L3MBTL4: variants seen among roughly 807,000 people sequenced by gnomAD.
L3MBTL4 encodes the protein lethal(3)malignant brain tumor-like protein 4.
Under a neutral mutation model 84.5 loss-of-function variants are expected in L3MBTL4, and 70 were observed. The ratio of observed to expected loss-of-function variants is 0.83; its 90% confidence interval spans 0.68 to 1.01. L3MBTL4 has a LOEUF of 1.01. Ranked by LOEUF, L3MBTL4 falls within the 50% of genes least tolerant of loss-of-function variation. L3MBTL4 has a pLI of 0.00. For missense variants in L3MBTL4, 715 were observed against 754.8 expected, an observed-to-expected ratio of 0.95 and a Z score of 0.62; for synonymous variants, 274 against 259.8, an observed-to-expected ratio of 1.05 and a Z score of -0.52.
chr18:6,031,247 T>G (rs1238118142), intron 16 of L3MBTL4: 1 of 985,322 alleles, frequency 1.0e-6, no homozygotes, highest in African/African-American at 1.7e-5. Context: ...TGTGAGCTGA[T>G]ATATCTTCTG....
chr18:6,229,615 T>C (rs553461966), intron 10 of L3MBTL4, among the ~76,000 whole-genome samples: 152 of 152,318 alleles, frequency 1.0e-3, no homozygotes, highest in African/African-American at 3.6e-3. Context: ...TTTTAGTTCT[T>C]AGGTTTTCTT....
chr18:6,051,214 A>G (rs1261819670), intron 16 of L3MBTL4, among the ~76,000 whole-genome samples: 1 of 152,234 alleles, frequency 6.6e-6, no homozygotes, highest in Non-Finnish European at 1.5e-5. Context: ...CGCTGAGGTC[A>G]TGACAGTCTG....
rs566278718 is a variant in L3MBTL4, at chr18:6,108,070, G to A, written c.1200-14542C>T. ...CACTTGCAACACACTCCTGGAGTGG[G>A]GTTCTCATCTAATTTGAGCAAGGAG... On this transcript the variant is annotated intron_variant, in intron 14 of 18. Coordinates refer to ENST00000317931, the MANE Select transcript of L3MBTL4 (RefSeq NM_001330559.2). 3.9e-5 allele frequency among the ~76,000 whole-genome samples: 6 copies of A among 152,230 alleles called. No individual in the cohort carries two copies. The South Asian group carries it at 8.3e-4, about 21-fold the overall frequency.
intron 14 of L3MBTL4, among the ~76,000 whole-genome samples, chr18:6,106,527 T>A (rs1436021535): frequency 6.6e-6 from 1 of 152,206 alleles, no homozygotes; most frequent in Non-Finnish European, 1.5e-5. Context: ...TGGGATGAAC[T>A]GTAATGTGGA....
chr18:6,000,388 G>A (rs889140570), intron 16 of L3MBTL4, among the ~76,000 whole-genome samples: 2 of 144,912 alleles, frequency 1.4e-5, no homozygotes, highest in Non-Finnish European at 2.9e-5. Context: ...AAGAAGTAGA[G>A]GAGAAAAATA....
At chr18:6,044,323 C>G (rs1380501575) in intron 16 of L3MBTL4, among the ~76,000 whole-genome samples, 1 of 152,218 alleles carries the variant, frequency 6.6e-6, no homozygotes, top group African/African-American at 2.4e-5. Context: ...TCCTTACCCT[C>G]TGATGAAAAT....
At chr18:6,266,392 G>A (rs79630553) in intron 4 of L3MBTL4, among the ~76,000 whole-genome samples, 6,763 of 152,180 alleles carry the variant, frequency 0.044, 482 homozygotes, top group African/African-American at 0.15. Context: ...CATCCTTGGA[G>A]AATACTCATC....
At chr18:6,205,271 C>T (rs1355185860) in intron 12 of L3MBTL4, among the ~76,000 whole-genome samples, 2 of 152,142 alleles carry the variant, frequency 1.3e-5, no homozygotes, top group African/African-American at 2.4e-5. Context: ...GTAAAGGTGG[C>T]CTCTAGAAGA....
Position 6,213,214 on chromosome 18 carries a change from C to T in L3MBTL4, c.916G>A (p.Asp306Asn). Residue 306 changes from aspartate to asparagine, a missense_variant, in exon 12 of 19, where the codon GAT becomes AAT. Physicochemically the swap from Asp to Asn is conservative, Grantham distance 23 (BLOSUM62 1). Transcript: ENST00000317931. ...FLPNMKLEVVDKRNPRLIRVA... is the reference protein window; with the variant it reads ...FLPNMKLEVVNKRNPRLIRVA... ...CGAATTAACCTGGGGTTCCGTTTAT[C>T]CACAACTTCAAGTTTCATATTTGGC... is the stretch of plus-strand genomic sequence containing the variant. 1 of 1,611,346 alleles carries T rather than the reference C, an allele frequency of 6.2e-7. No individual in the cohort carries two copies. Among genetic ancestry groups the T allele is most frequent in the Non-Finnish European group, 8.5e-7 (1 of 1,179,062 alleles).
chr18:6,213,337 C>T (rs183206511), intron 11 of L3MBTL4, 78 bp from the exon 12 acceptor site: 12 of 745,412 alleles, frequency 1.6e-5, no homozygotes, highest in African/African-American at 5.4e-5. Context: ...TTCTAAAATA[C>T]TACTGTTTTA....
chr18:6,357,547 A>G (rs2053500133), intron 1 of L3MBTL4, among the ~76,000 whole-genome samples: 1 of 152,244 alleles, frequency 6.6e-6, no homozygotes, highest in Non-Finnish European at 1.5e-5. Context: ...TGTTCTTAAC[A>G]GGAATGCACA....
At chr18:5,960,975 C>A (rs1165645645) in intron 17 of L3MBTL4, among the ~76,000 whole-genome samples, 2 of 152,194 alleles carry the variant, frequency 1.3e-5, no homozygotes, top group East Asian at 3.9e-4. Flanking sequence ...GCAGAAATGA[C>A]AACTGAGTGG....
intron 4 of L3MBTL4, among the ~76,000 whole-genome samples, chr18:6,265,523 C>T (rs1002752463): frequency 6.6e-6 from 1 of 152,072 alleles, no homozygotes; most frequent in African/African-American, 2.4e-5. Context: ...TATATACATA[C>T]ATATATGATT....
chr18:6,219,517 G>A (rs2046462494), intron 10 of L3MBTL4, among the ~76,000 whole-genome samples: 1 of 143,166 alleles, frequency 7.0e-6, no homozygotes, highest in African/African-American at 2.5e-5. Flanking sequence ...AGCTGTGGCT[G>A]TGGGCATGGG....
At chr18:6,225,233 T>C (rs1008499221) in intron 10 of L3MBTL4, among the ~76,000 whole-genome samples, 3 of 152,212 alleles carry the variant, frequency 2.0e-5, no homozygotes, top group African/African-American at 4.8e-5. Flanking sequence ...ATTTTGCCTG[T>C]AGCAGAGCAT....
rs535615553 is a variant in L3MBTL4 at position 6,331,907 on chromosome 18, T to A, written c.-90-19851A>T. ...AAGAGACATAGAGGATAAATTAAGA[T>A]AACTTATATCCAACAGTAGATTTAC... On this transcript the variant is annotated intron_variant, in intron 1 of 18. Transcript: ENST00000317931. Among the ~76,000 whole-genome samples the A allele has an allele frequency of 2.7e-5, 4 of 148,854 alleles. No individual in the cohort carries two copies. In the East Asian group the frequency reaches 5.9e-4, roughly 22 times the overall value.
chr18:6,130,106 A>G (rs1238194372), intron 14 of L3MBTL4, among the ~76,000 whole-genome samples: 1 of 152,160 alleles, frequency 6.6e-6, no homozygotes, highest in Non-Finnish European at 1.5e-5. Context: ...AATCTTTTGT[A>G]GTGTAAAGAG....
chr18:6,375,937 G>A (rs1053554066), intron 1 of L3MBTL4, among the ~76,000 whole-genome samples: 29 of 152,132 alleles, frequency 1.9e-4, no homozygotes, highest in African/African-American at 6.0e-4. Flanking sequence ...AAAACATGAG[G>A]TGTCCCAAAA....
intron 1 of L3MBTL4, among the ~76,000 whole-genome samples, chr18:6,406,577 C>A (rs1340893324): frequency 5.3e-5 from 8 of 152,118 alleles, no homozygotes; most frequent in Non-Finnish European, 1.5e-5. Context: ...CCACCCCTCC[C>A]CAGAGGACAG....
Sources: allele counts gnomAD v4.1 joint callset (sites outside exome capture counted in the v4.1 genomes callset), GRCh38; gene constraint gnomAD v4.1.1; transcripts MANE v1.5; gene names NCBI Gene and HGNC (gene_info 2026-07-23, HGNC 2026-07-21).